Variants in KIAA1549 observed in about 807,000 individuals in gnomAD.
The protein encoded by KIAA1549 is UPF0606 protein KIAA1549.
Under a neutral mutation model 156.4 loss-of-function variants are expected in KIAA1549, and 70 were observed. That is an observed-to-expected ratio of 0.45 (90% CI 0.37 to 0.55). The LOEUF is 0.55. KIAA1549 is among the 20% of genes least tolerant of loss of function. The pLI, the probability that KIAA1549 is intolerant of heterozygous loss-of-function variation, is 0.00. For missense variants in KIAA1549, 2,428 were observed against 2,540.9 expected, an observed-to-expected ratio of 0.96 and a Z score of 0.96; for synonymous variants, 1,103 against 1,066.4, an observed-to-expected ratio of 1.03 and a Z score of -0.67.
At chr7:138,899,354 C>G (rs532446361) in intron 8 of KIAA1549, among the ~76,000 whole-genome samples, 11 of 152,282 alleles carry the variant, frequency 7.2e-5, no homozygotes, top group Admixed American at 2.0e-4. Flanking sequence ...CTTCATCTCG[C>G]TCTACATCTT....
At chr7:138,936,521 G>A (rs186274112) in intron 1 of KIAA1549, among the ~76,000 whole-genome samples, 7 of 152,204 alleles carry the variant, frequency 4.6e-5, no homozygotes, top group Admixed American at 2.0e-4. Flanking sequence ...GATGTTCTGA[G>A]TCCATGGACA....
At chr7:138,874,193 C>T (rs1327878385) in intron 12 of KIAA1549, among the ~76,000 whole-genome samples, 2 of 151,312 alleles carry the variant, frequency 1.3e-5, no homozygotes, top group Non-Finnish European at 2.9e-5. Context: ...ACAATGGACA[C>T]ACAGAGATTA....
chr7:138,877,871 T>C lies in KIAA1549; in HGVS notation c.4345+1667A>G, dbSNP rs562725791. ...CTATGTTGAGAGTGGTGTTTGATTT[T>C]TGTTATTCTTATAGAATATACTGGC... On this transcript the variant is annotated intron_variant, in intron 12 of 19. Transcript: ENST00000422774. Among the ~76,000 whole-genome samples, 248 of 152,350 alleles carry C rather than the reference T, an allele frequency of 1.6e-3. 3 individuals are homozygous for C. The highest frequency in any genetic ancestry group is 5.8e-3 in the African/African-American group (240 of 41,582).
intron 11 of KIAA1549, 82 bp from the exon 12 acceptor site, chr7:138,879,735 T>C: frequency 7.6e-6 from 7 of 917,674 alleles, no homozygotes; most frequent in Non-Finnish European, 1.1e-5. Context: ...TGTGTGGAAG[T>C]CAGGCTTCCA....
At position 138,831,701 on chromosome 7, in the gene KIAA1549, A is replaced by G. The variant is rs138333412; in HGVS notation, c.*6205T>C. 3.0e-4 allele frequency: 70 copies of G among 231,206 alleles called. No individual in the cohort carries two copies. Among genetic ancestry groups the G allele is most frequent in the Non-Finnish European group, 4.7e-4 (55 of 116,706 alleles). 14.3% of individuals were successfully genotyped at this position (231,206 alleles called of 1,614,324 possible). On this transcript the variant is annotated 3_prime_UTR_variant, in exon 20 of 20. Transcript: ENST00000422774. ...CTGCACATTTCGTACATTAACGCTCATAATCTAGGGATGAGTGTGCAGGAA... is the reference window on the plus strand; with the variant it reads ...CTGCACATTTCGTACATTAACGCTCGTAATCTAGGGATGAGTGTGCAGGAA...
intron 2 of KIAA1549, 101 bp downstream of exon 2, chr7:138,916,647 C>T: frequency 6.6e-7 from 1 of 1,520,366 alleles, no homozygotes; most frequent in Non-Finnish European, 8.8e-7. Flanking sequence ...AGCCCAGCGC[C>T]TCTGCTCTTA....
chr7:138,932,465 G>A (rs1403686164), intron 1 of KIAA1549, among the ~76,000 whole-genome samples: 1 of 152,178 alleles, frequency 6.6e-6, no homozygotes, highest in African/African-American at 2.4e-5. Flanking sequence ...ACCATGCAAG[G>A]CTTAGAAGCC....
At chr7:138,943,568 C>G (rs1360806897) in intron 1 of KIAA1549, among the ~76,000 whole-genome samples, 1 of 152,116 alleles carries the variant, frequency 6.6e-6, no homozygotes, top group Non-Finnish European at 1.5e-5. Flanking sequence ...TGCATTACCT[C>G]GCCAGGCGCA....
chr7:138,840,302 C>A (rs763929696), intron 18 of KIAA1549, 24 bp from the exon 19 acceptor site: 2 of 1,594,676 alleles, frequency 1.3e-6, no homozygotes, highest in South Asian at 1.1e-5. Context: ...GGTGGAGTGG[C>A]CTGGTCAACA....
intron 1 of KIAA1549, among the ~76,000 whole-genome samples, chr7:138,966,539 G>A (rs1034242973): frequency 6.6e-6 from 1 of 152,022 alleles, no homozygotes; most frequent in African/African-American, 2.4e-5. Context: ...ATGTTCAAGG[G>A]CAGGAAGCAT....
intron 1 of KIAA1549, among the ~76,000 whole-genome samples, chr7:138,957,657 T>C (rs1218399109): frequency 6.6e-6 from 1 of 152,120 alleles, no homozygotes; most frequent in Non-Finnish European, 1.5e-5. Context: ...CTTGTATTTT[T>C]AGTAGAGACA....
At chr7:138,937,515 G>A (rs745839178) in intron 1 of KIAA1549, among the ~76,000 whole-genome samples, 1 of 152,168 alleles carries the variant, frequency 6.6e-6, no homozygotes, top group Non-Finnish European at 1.5e-5. Flanking sequence ...GCTGAGAAGA[G>A]GAGACAGACA....
At chr7:138,875,971 GTTT>G (rs1268886963) in intron 12 of KIAA1549, among the ~76,000 whole-genome samples, 2 of 144,654 alleles carry the variant, frequency 1.4e-5, no homozygotes, top group Non-Finnish European at 3.0e-5. Flanking sequence ...AATTTTTTCT[GTTT>G]TTTTTTTTGT....
rs769266453 is a variant in KIAA1549 at position 138,917,194 on chromosome 7, G to A, written c.2432C>T (p.Pro811Leu). The A allele has an allele frequency of 1.5e-5, 25 of 1,613,990 alleles. No homozygotes were observed. The highest frequency in any genetic ancestry group is 1.0e-4 in the Admixed American group (6 of 60,034). The change falls in exon 2 of 20, where the codon CCT (proline) becomes CTT (leucine). Residue 811 changes from proline (P) to leucine (L), a missense_variant. Transcript: ENST00000422774. ...ESSLFSTLTP[P>L]DDQISALDGH... is the part of the protein sequence containing the mutation. The stretch of plus-strand genomic sequence containing the variant: ...GTCTAGAGCACTGATTTGGTCGTCA[G>A]GAGGTGTCAGAGTTGAGAACAAAGA...
chr7:138,968,587 C>T (rs1390239458), intron 1 of KIAA1549, among the ~76,000 whole-genome samples: 1 of 151,646 alleles, frequency 6.6e-6, no homozygotes, highest in Non-Finnish European at 1.5e-5. Context: ...GTGGCTCACG[C>T]CTGTAATCCC....
intron 1 of KIAA1549, among the ~76,000 whole-genome samples, chr7:138,948,257 GA>G (rs939454147): frequency 6.6e-6 from 1 of 152,188 alleles, no homozygotes; most frequent in Non-Finnish European, 1.5e-5. Context: ...GTGTCCTCAC[GA>G]AAATGGGGGA....
chr7:138,903,762 G>T, intron 7 of KIAA1549, 26 bp from the exon 8 acceptor site: 1 of 1,533,538 alleles, frequency 6.5e-7, no homozygotes. Context: ...AACATACGTG[G>T]CACCCAAAAC....
At position 138,897,672 on chromosome 7, in the gene KIAA1549, T is replaced by A. The variant is rs143725467; in HGVS notation, c.3847+1283A>T. Among the ~76,000 whole-genome samples, 917 of 151,846 alleles carry A rather than the reference T, an allele frequency of 6.0e-3. 9 individuals carry two copies. The highest frequency in any genetic ancestry group is 0.027 in the Middle Eastern group (8 of 292). ...ACCTTGGGAGGTCAAGGTGGGAGGA[T>A]TGCTTGAGCCAGGGGTTCAAGACCA... On this transcript the variant is annotated intron_variant, in intron 9 of 19. Coordinates refer to ENST00000422774, the MANE Select transcript of KIAA1549 (RefSeq NM_001164665.2).
chr7:138,964,735 T>G (rs924300903), intron 1 of KIAA1549, among the ~76,000 whole-genome samples: 1 of 152,152 alleles, frequency 6.6e-6, no homozygotes, highest in Non-Finnish European at 1.5e-5. Context: ...CAGCCTGTAT[T>G]ATGGAGGAGA....
Sources: allele counts gnomAD v4.1 joint callset (sites outside exome capture counted in the v4.1 genomes callset), GRCh38; gene constraint gnomAD v4.1.1; transcripts MANE v1.5; gene names NCBI Gene and HGNC (gene_info 2026-07-23, HGNC 2026-07-21).